SAFB2: variants seen among roughly 807,000 people sequenced by gnomAD.
SAFB2 encodes the protein scaffold attachment factor B2.
A neutral mutation model predicts 100.6 loss-of-function variants in SAFB2; 32 were observed. That is an observed-to-expected ratio of 0.32 (90% CI 0.24 to 0.43). The LOEUF (loss-of-function observed/expected upper bound fraction) is 0.43. Ranked by LOEUF, SAFB2 falls within the 20% of genes least tolerant of loss-of-function variation. The probability of loss-of-function intolerance (pLI) is 1.00; values close to 1 mark genes in which losing one functional copy is unlikely to be tolerated. For synonymous variants in SAFB2, 500 were observed against 439.4 expected (o/e 1.14, Z -1.72); for missense variants, 1,185 against 1,163.4 (o/e 1.02, Z -0.27).
chr19:5,622,301 C>A (rs2053176254), intron 1 of SAFB2, among the ~76,000 whole-genome samples: 1 of 152,166 alleles, frequency 6.6e-6, no homozygotes, highest in African/African-American at 2.4e-5. Context: ...GCACGCTGAG[C>A]GCGCTTGAGG....
chr19:5,595,320 G>A (rs754599747), intron 14 of SAFB2, 41 bp downstream of exon 14: 2 of 1,591,726 alleles, frequency 1.3e-6, no homozygotes, highest in Non-Finnish European at 1.7e-6. Flanking sequence ...GCCACCCCGA[G>A]AGGAAACCAC....
chr19:5,598,020 C>G (rs573217127), intron 13 of SAFB2, among the ~76,000 whole-genome samples: 5 of 151,582 alleles, frequency 3.3e-5, no homozygotes, highest in African/African-American at 1.2e-4. Flanking sequence ...GCCTGTAATC[C>G]CAGCTACTCG....
intron 6 of SAFB2, 189 bp from the exon 7 acceptor site, chr19:5,611,819 A>T: frequency 1.5e-6 from 1 of 670,646 alleles, no homozygotes; most frequent in Non-Finnish European, 2.7e-6. Flanking sequence ...GCCTCTAGGT[A>T]AGCCTCTACG....
chr19:5,587,716 C>A lies in SAFB2; in HGVS notation c.2690G>T (p.Arg897Leu). The A allele has an allele frequency of 2.6e-6, 4 of 1,551,850 alleles. No homozygotes were observed. The highest frequency in any genetic ancestry group is 3.5e-6 in the Non-Finnish European group (4 of 1,147,216). Residue 897 changes from arginine (R) to leucine (L), a missense_variant, in exon 20 of 21, where the codon CGC becomes CTC. This residue lies in a region of SAFB2 where 740 missense variants were observed against 687.1 expected (regional missense o/e 1.08). Coordinates refer to ENST00000252542, the MANE Select transcript of SAFB2 (RefSeq NM_014649.3). This position sits in a 1 kb window ranked among gnomAD's most constrained non-coding sequence, Gnocchi z 4.9. ...GPSGPGHMAS[R>L]GGVAGRGGFA... ...CACACCTTACCCCGCCACTCCACCGCGGCTTGCCATGTGCCCCGGCCCCGA... is the reference window on the plus strand; with the variant it reads ...CACACCTTACCCCGCCACTCCACCGAGGCTTGCCATGTGCCCCGGCCCCGA...
At position 5,595,527 on chromosome 19, in the gene SAFB2, AG is replaced by A. The variant is rs770142170; in HGVS notation, c.1783-31del. The A allele has an allele frequency of 1.3e-4, 209 of 1,610,054 alleles. No individual in the cohort carries two copies. In the African/African-American group the frequency reaches 2.3e-3, roughly 17 times the overall value. On this transcript the variant is annotated intron_variant, in intron 13 of 20. Transcript: ENST00000252542. ...TTACCAAAACTGGTTTATTAATGTCAGGAAAATGATTGCAACAAACAAACAA... is the reference window on the plus strand; with the variant it reads ...TTACCAAAACTGGTTTATTAATGTCAGAAAATGATTGCAACAAACAAACAA...
intron 8 of SAFB2, 45 bp downstream of exon 8, chr19:5,610,594 A>C (rs374989874): frequency 1.4e-6 from 2 of 1,417,232 alleles, no homozygotes; most frequent in Admixed American, 3.8e-5. Flanking sequence ...CTCCCAAAAT[A>C]AGGGAACCAT....
rs966538197 is a variant in SAFB2 at position 5,595,832 on chromosome 19, C to T, written c.1783-335G>A. 7.2e-5 allele frequency among the ~76,000 whole-genome samples: 11 copies of T among 152,242 alleles called. 1 individual carries two copies. Among genetic ancestry groups the T allele is most frequent in the Admixed American group, 5.9e-4 (9 of 15,284 alleles). ...AGCAAACCTAGGCCTCTCAGAGCCA[C>T]GGGCACATCCGCACAGGGCCACTGT... On this transcript the variant is annotated intron_variant, in intron 13 of 20. Coordinates refer to ENST00000252542, the MANE Select transcript of SAFB2 (RefSeq NM_014649.3).
intron 4 of SAFB2, among the ~76,000 whole-genome samples, chr19:5,615,396 T>G (rs1272623800): frequency 2.6e-5 from 4 of 151,000 alleles, no homozygotes; most frequent in Admixed American, 2.6e-4. Context: ...AGGAGGAATA[T>G]CTACATGATG....
At chr19:5,607,129 C>T (rs896737253) in intron 9 of SAFB2, among the ~76,000 whole-genome samples, 28 of 152,248 alleles carry the variant, frequency 1.8e-4, no homozygotes, top group African/African-American at 6.5e-4. Flanking sequence ...GGCCTGGTGG[C>T]GGGCACCTGT....
intron 2 of SAFB2, among the ~76,000 whole-genome samples, chr19:5,617,616 G>T (rs1490185468): frequency 6.6e-6 from 1 of 152,164 alleles, no homozygotes; most frequent in Non-Finnish European, 1.5e-5. Flanking sequence ...GGGAATGGCT[G>T]GCAATGTCTG....
chr19:5,613,964 T>C (rs1363666756), intron 4 of SAFB2, among the ~76,000 whole-genome samples: 1 of 152,184 alleles, frequency 6.6e-6, no homozygotes, highest in African/African-American at 2.4e-5. Context: ...CATTCACTCA[T>C]TCATTTGAGA....
intron 13 of SAFB2, 27 bp from the exon 14 acceptor site, chr19:5,595,524 G>A (rs1438320179): frequency 8.1e-6 from 13 of 1,610,452 alleles, no homozygotes; most frequent in Non-Finnish European, 1.1e-5. Flanking sequence ...GTTTATTAAT[G>A]TCAGGAAAAT....
chr19:5,619,785 CAG>C (rs1417396819), intron 2 of SAFB2, among the ~76,000 whole-genome samples: 1 of 150,758 alleles, frequency 6.6e-6, no homozygotes, highest in East Asian at 1.9e-4. Context: ...GCGGAGGTTG[CAG>C]TGAGCCAAGA....
chr19:5,605,571 C>G (rs2145340831), intron 9 of SAFB2, among the ~76,000 whole-genome samples: 1 of 152,296 alleles, frequency 6.6e-6, no homozygotes, highest in Admixed American at 6.5e-5. Flanking sequence ...AGCTGTGGGG[C>G]TACTAAGAAA....
chr19:5,617,080 GA>G (rs896501929), intron 2 of SAFB2, among the ~76,000 whole-genome samples: 1 of 150,322 alleles, frequency 6.7e-6, no homozygotes, highest in Non-Finnish European at 1.5e-5. Context: ...CCAAACCTAA[GA>G]AAAAAAATCA....
intron 17 of SAFB2, 179 bp downstream of exon 17, chr19:5,591,569 C>T (rs531049160): frequency 8.4e-6 from 5 of 592,060 alleles, no homozygotes; most frequent in African/African-American, 3.7e-5. Context: ...TGAGCCACCA[C>T]GTCCGACTAA....
intron 11 of SAFB2, among the ~76,000 whole-genome samples, chr19:5,602,797 G>A (rs1487003269): frequency 1.3e-5 from 2 of 152,104 alleles, no homozygotes; most frequent in East Asian, 3.9e-4. Flanking sequence ...CAAGAACACC[G>A]CAAACCTGCA....
intron 11 of SAFB2, 132 bp from the exon 12 acceptor site, chr19:5,600,392 A>C (rs1270647039): frequency 1.7e-6 from 2 of 1,200,668 alleles, no homozygotes; most frequent in Non-Finnish European, 2.3e-6. Flanking sequence ...TTAGGTGGGA[A>C]AAATTATTTG....
At chr19:5,608,011 C>A (rs942160685) in intron 9 of SAFB2, among the ~76,000 whole-genome samples, 1 of 152,208 alleles carries the variant, frequency 6.6e-6, no homozygotes, top group Non-Finnish European at 1.5e-5. Flanking sequence ...ACAGACAAAA[C>A]CCAAATGAGA....
Sources: gnomAD v4.1 joint callset for allele counts (sites outside exome capture counted in the v4.1 genomes callset) on GRCh38, gnomAD v4.1.1 for gene constraint, gnomAD v4.1.1 regional missense constraint, Gnocchi (gnomAD v3.1) non-coding constraint, MANE v1.5 for transcripts, NCBI Gene and HGNC (gene_info 2026-07-23, HGNC 2026-07-21) for gene names.